Variants in SNRPD3 observed in about 807,000 individuals in gnomAD.
The protein encoded by SNRPD3 is small nuclear ribonucleoprotein Sm D3.
For missense variants in SNRPD3, 73 were observed against 167.5 expected, an observed-to-expected ratio of 0.44 and a Z score of 3.11; for synonymous variants, 66 against 58.4, an observed-to-expected ratio of 1.13 and a Z score of -0.59.
upstream of SNRPD3, chr22:24,555,847 G>C (rs2045049461): frequency 6.5e-7 from 1 of 1,540,684 alleles, no homozygotes; most frequent in African/African-American, 1.4e-5. Flanking sequence ...TCCGGTGCCG[G>C]AACTATCGTA....
chr22:24,574,528 G>T lies in SNRPD3; in HGVS notation c.*2551G>T, dbSNP rs1010785162. 9.2e-5 allele frequency among the ~76,000 whole-genome samples: 14 copies of T among 152,020 alleles called. No homozygotes were observed. The highest frequency in any genetic ancestry group is 3.1e-4 in the African/African-American group (13 of 41,402). The stretch of plus-strand genomic sequence containing the variant: ...TGTCTCAATATGAACATGTTTTCAT[G>T]ACTATTCCTTGATGGTTTTTTGTTT... On this transcript the variant is annotated 3_prime_UTR_variant, in exon 4 of 4. Transcript: ENST00000215829.
At chr22:24,557,851 G>A (rs952727425) in intron 2 of SNRPD3, 51 bp downstream of exon 2, 2 of 1,557,870 alleles carry the variant, frequency 1.3e-6, no homozygotes, top group Non-Finnish European at 1.7e-6. Flanking sequence ...CCTGTGTCTT[G>A]AAGGACAGAA....
At chr22:24,571,849 G>T (rs2045253117) in intron 3 of SNRPD3, 67 bp from the exon 4 acceptor site, 1 of 1,545,348 alleles carries the variant, frequency 6.5e-7, no homozygotes, top group Non-Finnish European at 8.9e-7. Flanking sequence ...TAGGGCCCTG[G>T]CTACTCTGTG....
intron 2 of SNRPD3, among the ~76,000 whole-genome samples, chr22:24,565,942 C>G (rs1163859934): frequency 6.6e-6 from 1 of 152,090 alleles, no homozygotes; most frequent in African/African-American, 2.4e-5. Context: ...CCACCGCGCC[C>G]AGCCCCAAAA....
At chr22:24,571,152 AGAT>A (rs1273894556) in intron 3 of SNRPD3, among the ~76,000 whole-genome samples, 5 of 152,332 alleles carry the variant, frequency 3.3e-5, no homozygotes, top group African/African-American at 1.2e-4. Flanking sequence ...AAAATACAAA[AGAT>A]AATATAACCC....
chr22:24,561,460 A>G (rs1426907470), intron 2 of SNRPD3, among the ~76,000 whole-genome samples: 2 of 152,142 alleles, frequency 1.3e-5, no homozygotes, highest in Non-Finnish European at 2.9e-5. Context: ...GAGGGATACA[A>G]TTTAGCCTGT....
At position 24,573,236 on chromosome 22, in the gene SNRPD3, G is replaced by A. The variant is rs1013432854; in HGVS notation, c.*1259G>A. On this transcript the variant is annotated 3_prime_UTR_variant, in exon 4 of 4. Transcript: ENST00000215829. The stretch of plus-strand genomic sequence containing the variant: ...AAATAAGTAGTAGTAAAGAGTATAA[G>A]ATACACAGGGTGAATAATTGTGACA... Among the ~76,000 whole-genome samples the A allele has an allele frequency of 5.9e-5, 9 of 151,996 alleles. No homozygotes were observed. The highest frequency in any genetic ancestry group is 3.9e-4 in the East Asian group (2 of 5,180).
rs1227098603 is a variant in SNRPD3, at chr22:24,560,730, T to C, written c.126+2930T>C. On this transcript the variant is annotated intron_variant, in intron 2 of 3. Transcript: ENST00000215829. The stretch of plus-strand genomic sequence containing the variant: ...TGCACCTGGCCTTTTTTTTTTTTTT[T>C]TTTTTTTTTTTTTTTGAGACAGAAT... Among the ~76,000 whole-genome samples, 94 of 129,570 alleles carry C rather than the reference T, an allele frequency of 7.3e-4. 11 individuals carry two copies. The highest frequency in any genetic ancestry group is 2.8e-3 in the African/African-American group (92 of 32,302). 85.0% of individuals were successfully genotyped at this position (129,570 alleles called of 152,430 possible). A position where few individuals can be genotyped will look rare whatever the true frequency, so the allele number is the denominator to read the frequency against.
rs1416783903 is a variant in SNRPD3, at chr22:24,571,921, G to A, written c.325G>A (p.Ala109Thr). The change falls in exon 4 of 4, where the codon GCA (alanine) becomes ACA (threonine). Residue 109 changes from alanine (A) to threonine (T), a missense_variant. By Grantham distance (58) the Ala-to-Thr change is moderately conservative. Transcript: ENST00000215829. ...KAAILKAQVAARGRGRGMGRG... is the reference protein window; with the variant it reads ...KAAILKAQVATRGRGRGMGRG... ...TATTTTCTCTTCCCTTTCAGTGGCC[G>A]CAAGAGGAAGAGGACGTGGAATGGG... 6.2e-7 allele frequency: 1 copy of A among 1,613,910 alleles called. No individual in the cohort carries two copies. Among genetic ancestry groups the A allele is most frequent in the African/African-American group, 1.3e-5 (1 of 74,910 alleles).
chr22:24,574,580 C>T lies in SNRPD3; in HGVS notation c.*2603C>T, dbSNP rs2045274438. Among the ~76,000 whole-genome samples the T allele has an allele frequency of 1.3e-5, 2 of 152,254 alleles. No individual in the cohort carries two copies. Among genetic ancestry groups the T allele is most frequent in the East Asian group, 1.9e-4 (1 of 5,190 alleles). On this transcript the variant is annotated 3_prime_UTR_variant, in exon 4 of 4. Transcript: ENST00000215829. ...CTTGTTTTAAGACGGTCTCACTCTTCCCCAGGCGGGAGTGCAATGGCACAA... is the reference window on the plus strand; with the variant it reads ...CTTGTTTTAAGACGGTCTCACTCTTTCCCAGGCGGGAGTGCAATGGCACAA...
intron 2 of SNRPD3, among the ~76,000 whole-genome samples, chr22:24,563,335 T>G (rs2045166387): frequency 6.6e-6 from 1 of 150,858 alleles, no homozygotes. Context: ...GAAGAGGAAA[T>G]ATGTGTATGT....
chr22:24,565,466 G>T (rs565396938), intron 2 of SNRPD3, among the ~76,000 whole-genome samples: 1 of 152,280 alleles, frequency 6.6e-6, no homozygotes, highest in African/African-American at 2.4e-5. Context: ...TGTTGGCTTT[G>T]TTGTCTTGTA....
chr22:24,569,257 C>T (rs2045226752), intron 3 of SNRPD3, among the ~76,000 whole-genome samples: 1 of 152,048 alleles, frequency 6.6e-6, no homozygotes, highest in African/African-American at 2.4e-5. Flanking sequence ...TTCGCAGTCC[C>T]CTAGTCTGGT....
chr22:24,567,915 A>G (rs2045211690), intron 2 of SNRPD3, 69 bp from the exon 3 acceptor site: 1 of 1,263,098 alleles, frequency 7.9e-7, no homozygotes. Context: ...TCCCCCTCCC[A>G]CCAGTCAAGG....
chr22:24,569,545 G>T (rs900240430), intron 3 of SNRPD3, among the ~76,000 whole-genome samples: 1 of 152,162 alleles, frequency 6.6e-6, no homozygotes, highest in Non-Finnish European at 1.5e-5. Flanking sequence ...AGTCAGTTCT[G>T]CAGTAGACAC....
intron 2 of SNRPD3, among the ~76,000 whole-genome samples, chr22:24,561,847 A>T (rs2045147082): frequency 6.6e-6 from 1 of 151,950 alleles, no homozygotes; most frequent in African/African-American, 2.4e-5. Context: ...TAAAAAAAAT[A>T]AAATAGACGG....
Position 24,568,113 on chromosome 22 carries a change from A to G in SNRPD3, c.256A>G (p.Met86Val). ...GAAGAACGCACCCATGTTAAAGAGC[A>G]TGAAAAATAAAAACCAAGGCTCAGG... ...MLKNAPMLKS[M>V]KNKNQGSGAG... The change falls in exon 3 of 4, where the codon ATG (methionine) becomes GTG (valine). Residue 86 changes from methionine to valine, a missense_variant. Coordinates refer to ENST00000215829, the MANE Select transcript of SNRPD3 (RefSeq NM_004175.5). 3 of 1,614,146 alleles carry G rather than the reference A, an allele frequency of 1.9e-6. No individual in the cohort carries two copies. Among genetic ancestry groups the G allele is most frequent in the Non-Finnish European group, 8.5e-7 (1 of 1,180,000 alleles).
intron 3 of SNRPD3, among the ~76,000 whole-genome samples, chr22:24,571,143 A>G (rs2045246621): frequency 6.6e-6 from 1 of 152,206 alleles, no homozygotes; most frequent in African/African-American, 2.4e-5. Flanking sequence ...TCTCAGAAAA[A>G]AATACAAAAG....
chr22:24,555,839 C>T (rs1192605570), upstream of SNRPD3: 11 of 1,542,774 alleles, frequency 7.1e-6, no homozygotes, highest in African/African-American at 6.8e-5. Flanking sequence ...CCCTCTTTTC[C>T]GGTGCCGGAA....
Sources: allele counts gnomAD v4.1 joint callset (sites outside exome capture counted in the v4.1 genomes callset), GRCh38; gene constraint gnomAD v4.1.1; transcripts MANE v1.5; gene names NCBI Gene and HGNC (gene_info 2026-07-23, HGNC 2026-07-21).